RABGAP1L: variants seen among roughly 807,000 people sequenced by gnomAD.
The protein encoded by RABGAP1L is RAB GTPase activating protein 1 like.
Under a neutral mutation model 137.7 loss-of-function variants are expected in RABGAP1L, and 63 were observed. That is an observed-to-expected ratio of 0.46 (90% CI 0.37 to 0.56). The LOEUF (loss-of-function observed/expected upper bound fraction) is 0.56. Among genes scored for constraint, RABGAP1L ranks in the 20% least tolerant of loss-of-function variants. The pLI is 0.00. For missense variants in RABGAP1L, 1,095 were observed against 1,244.0 expected, an observed-to-expected ratio of 0.88 and a Z score of 1.80; for synonymous variants, 431 against 433.7, an observed-to-expected ratio of 0.99 and a Z score of 0.08.
At chr1:174,854,384 T>G (rs1373749646) in intron 19 of RABGAP1L, among the ~76,000 whole-genome samples, 1 of 152,164 alleles carries the variant, frequency 6.6e-6, no homozygotes, top group East Asian at 1.9e-4. Flanking sequence ...CCCTTATTCA[T>G]AAAACACTAG....
At chr1:174,755,604 T>C (rs914924502) in intron 18 of RABGAP1L, among the ~76,000 whole-genome samples, 2 of 152,240 alleles carry the variant, frequency 1.3e-5, no homozygotes, top group African/African-American at 4.8e-5. Context: ...ATCATAATCC[T>C]GTTCCCAGGG....
At chr1:174,774,685 G>C (rs1214838522) in intron 18 of RABGAP1L, among the ~76,000 whole-genome samples, 1 of 152,126 alleles carries the variant, frequency 6.6e-6, no homozygotes, top group African/African-American at 2.4e-5. Flanking sequence ...TTTGAGAGAA[G>C]CCTGGGCAAC....
intron 13 of RABGAP1L, among the ~76,000 whole-genome samples, chr1:174,515,097 C>A (rs901200427): frequency 1.3e-5 from 2 of 151,976 alleles, no homozygotes; most frequent in African/African-American, 2.4e-5. Flanking sequence ...TAAAAAAATT[C>A]TCTTAGCAAT....
At chr1:174,371,764 C>T (rs577606847) in intron 12 of RABGAP1L, among the ~76,000 whole-genome samples, 49 of 152,118 alleles carry the variant, frequency 3.2e-4, no homozygotes, top group East Asian at 1.3e-3. Flanking sequence ...TACATGCATG[C>T]GGGTAGTCCA....
intron 1 of RABGAP1L, among the ~76,000 whole-genome samples, chr1:174,190,317 AAAGAAAG>A (rs1173311131): frequency 3.4e-5 from 5 of 147,068 alleles, no homozygotes; most frequent in African/African-American, 1.1e-4. Flanking sequence ...AAAAAAAAAA[AAAGAAAG>A]AAAGAAAGAA....
At position 174,982,872 on chromosome 1, in the gene RABGAP1L, A is replaced by G; in HGVS notation, c.2772A>G (p.Gln924=). Residue 924 remains glutamine (Q), a synonymous_variant, in exon 24 of 26, where the codon CAA becomes CAG. Transcript: ENST00000681986. ...TGAGTACCAGGCTGGAGAAACAGCA[A>G]GCAGCCAGCAAGGAGGAGCTGGAAG... ...SQLSTRLEKQ[Q]AASKEELEVV... 1 of 1,550,534 alleles carries G rather than the reference A, an allele frequency of 6.4e-7. No homozygotes were observed. Among genetic ancestry groups the G allele is most frequent in the African/African-American group, 1.4e-5 (1 of 73,156 alleles).
At chr1:174,293,471 C>T (rs1053587050) in intron 10 of RABGAP1L, among the ~76,000 whole-genome samples, 14 of 152,202 alleles carry the variant, frequency 9.2e-5, no homozygotes, top group African/African-American at 3.4e-4. Flanking sequence ...TTGTTACATG[C>T]TAACTCCACT....
chr1:174,637,610 G>A, intron 14 of RABGAP1L, 122 bp downstream of exon 14: 1 of 707,906 alleles, frequency 1.4e-6, no homozygotes, highest in Non-Finnish European at 2.4e-6. Flanking sequence ...TTTCTGCTTT[G>A]CACACACGCT....
Position 174,994,764 on chromosome 1 carries a change from G to A in RABGAP1L, c.*4763G>A, listed in dbSNP as rs1672269328. ...ATTTTGCATAATGCATGGATCCTTA[G>A]TTCAAATGAGGGACAAAGTTTCTCA... On this transcript the variant is annotated 3_prime_UTR_variant, in exon 26 of 26. Coordinates refer to ENST00000681986, the MANE Select transcript of RABGAP1L (RefSeq NM_001366446.1). 1 of 152,198 alleles carries A rather than the reference G, an allele frequency of 6.6e-6. No individual in the cohort carries two copies. Among genetic ancestry groups the A allele is most frequent in the Non-Finnish European group, 1.5e-5 (1 of 68,030 alleles). 9.4% of individuals were successfully genotyped at this position (152,198 alleles called of 1,614,324 possible). A position where few individuals can be genotyped will look rare whatever the true frequency, so the allele number is the denominator to read the frequency against.
At chr1:174,311,175 T>G (rs1458981541) in intron 11 of RABGAP1L, among the ~76,000 whole-genome samples, 1 of 152,142 alleles carries the variant, frequency 6.6e-6, no homozygotes, top group Non-Finnish European at 1.5e-5. Flanking sequence ...CAGTTTTGCA[T>G]GGCTGGGGAG....
At chr1:174,484,059 G>T (rs545972250) in intron 13 of RABGAP1L, among the ~76,000 whole-genome samples, 1 of 151,926 alleles carries the variant, frequency 6.6e-6, no homozygotes, top group African/African-American at 2.4e-5. Flanking sequence ...CCACATCCTC[G>T]CCAGCATCTG....
chr1:174,638,893 G>A (rs1457120950), intron 14 of RABGAP1L, among the ~76,000 whole-genome samples: 2 of 125,598 alleles, frequency 1.6e-5, no homozygotes, highest in Non-Finnish European at 3.3e-5. Flanking sequence ...TGGTGGGGTT[G>A]GGGGAGGGGG....
chr1:174,699,683 G>A (rs781206596), intron 16 of RABGAP1L, 33 bp downstream of exon 16: 3 of 1,556,554 alleles, frequency 1.9e-6, no homozygotes, highest in Admixed American at 3.5e-5. Context: ...TATCACTCAG[G>A]GATTTGTTGA....
At chr1:174,168,825 G>A (rs1265838922) in intron 1 of RABGAP1L, among the ~76,000 whole-genome samples, 1 of 152,182 alleles carries the variant, frequency 6.6e-6, no homozygotes, top group African/African-American at 2.4e-5. Context: ...AATTTTCACT[G>A]AGGCTAGGCC....
chr1:174,273,108 C>A (rs985715660), intron 8 of RABGAP1L, among the ~76,000 whole-genome samples: 1 of 151,986 alleles, frequency 6.6e-6, no homozygotes, highest in Non-Finnish European at 1.5e-5. Flanking sequence ...GGAAAATAAT[C>A]ATCTTAGAGT....
intron 13 of RABGAP1L, among the ~76,000 whole-genome samples, chr1:174,515,379 G>T (rs774434449): frequency 6.6e-6 from 1 of 152,150 alleles, no homozygotes; most frequent in Non-Finnish European, 1.5e-5. Flanking sequence ...GTGTCCCTGT[G>T]TTTGTGCATG....
intron 18 of RABGAP1L, among the ~76,000 whole-genome samples, chr1:174,780,712 T>TC (rs1553251642): frequency 5.2e-4 from 45 of 87,136 alleles, no homozygotes; most frequent in African/African-American, 1.8e-3. Context: ...ATGCTATCCC[T>TC]CCCCCCCACC....
Position 174,992,295 on chromosome 1 carries a change from C to G in RABGAP1L, c.*2294C>G, listed in dbSNP as rs1672112343. ...CTCTACTGCAAAATACAAAAATTAG[C>G]CGGGCTTGGTGGCGGGTGCCTGTAA... is the stretch of plus-strand genomic sequence containing the variant. On this transcript the variant is annotated 3_prime_UTR_variant, in exon 26 of 26. Transcript: ENST00000681986. The G allele has an allele frequency of 6.6e-6, 1 of 152,242 alleles. No individual in the cohort carries two copies. Among genetic ancestry groups the G allele is most frequent in the Admixed American group, 6.6e-5 (1 of 15,258 alleles). 9.4% of individuals were successfully genotyped at this position (152,242 alleles called of 1,614,324 possible).
chr1:174,583,727 G>A (rs1668910594), intron 13 of RABGAP1L, among the ~76,000 whole-genome samples: 1 of 152,172 alleles, frequency 6.6e-6, no homozygotes, highest in South Asian at 2.1e-4. Flanking sequence ...TGCTCTAGGA[G>A]TTGCCCAGTT....
Sources: gnomAD v4.1 joint callset for allele counts (sites outside exome capture counted in the v4.1 genomes callset) on GRCh38, gnomAD v4.1.1 for gene constraint, MANE v1.5 for transcripts, NCBI Gene and HGNC (gene_info 2026-07-23, HGNC 2026-07-21) for gene names.